The following ARID5B variants were observed in gnomAD, a reference collection of about 807,000 sequenced individuals.
The protein encoded by ARID5B is AT-rich interaction domain 5B.
A neutral mutation model predicts 97.2 loss-of-function variants in ARID5B; 13 were observed. The observed-to-expected ratio is 0.13, with a 90% CI of 0.09 to 0.21. The LOEUF is 0.21. Among genes scored for constraint, ARID5B ranks in the 10% least tolerant of loss-of-function variants. The probability of loss-of-function intolerance (pLI) is 1.00; values close to 1 mark genes in which losing one functional copy is unlikely to be tolerated. For missense variants in ARID5B, 1,210 were observed against 1,465.3 expected, an observed-to-expected ratio of 0.83 and a Z score of 2.84; for synonymous variants, 556 against 570.3, an observed-to-expected ratio of 0.97 and a Z score of 0.36.
intron 4 of ARID5B, among the ~76,000 whole-genome samples, chr10:62,033,930 C>G (rs1330969678): frequency 6.6e-6 from 1 of 152,158 alleles, no homozygotes; most frequent in Non-Finnish European, 1.5e-5. Flanking sequence ...TCTCAAAGCC[C>G]GTGCCCTCTC....
chr10:62,096,754 G>A lies in ARID5B; in HGVS notation c.*3724G>A, dbSNP rs1297156142. 4.3e-6 allele frequency: 1 copy of A among 233,408 alleles called. No individual in the cohort carries two copies. The highest frequency in any genetic ancestry group is 6.0e-5 in the East Asian group (1 of 16,558). The allele number at this position is 233,408 out of a possible 1,614,324, so 14.5% of individuals were successfully genotyped here. Reference sequence around the variant, plus strand: ...AGGTTATTGAGTAACCTTTGCATTAGTTTAAACACTACCAGAAGAATGCTG... The same window carrying A: ...AGGTTATTGAGTAACCTTTGCATTAATTTAAACACTACCAGAAGAATGCTG... On this transcript the variant is annotated 3_prime_UTR_variant, in exon 10 of 10. Coordinates refer to ENST00000279873, the MANE Select transcript of ARID5B (RefSeq NM_032199.3).
chr10:61,954,179 G>A (rs1462410535), intron 3 of ARID5B, among the ~76,000 whole-genome samples: 1 of 151,990 alleles, frequency 6.6e-6, no homozygotes, highest in African/African-American at 2.4e-5. Context: ...CCAACATGGA[G>A]AAACCCCGTA....
chr10:62,091,545 G>A lies in ARID5B; in HGVS notation c.2082G>A (p.Lys694=). 2 of 1,613,446 alleles carry A rather than the reference G, an allele frequency of 1.2e-6. No homozygotes were observed. The highest frequency in any genetic ancestry group is 1.7e-6 in the Non-Finnish European group (2 of 1,179,800). The stretch of plus-strand genomic sequence containing the variant: ...TCATGTCCCCACTGGCCAAGAAAAA[G>A]CTTTTGTCCCAAGTGAGTGGGGCCA... The part of the protein sequence containing the change: ...PGIMSPLAKK[K]LLSQVSGASL... Residue 694 remains lysine, a synonymous_variant, in exon 10 of 10, where the codon AAG becomes AAA. Transcript: ENST00000279873.
At chr10:61,985,383 C>T (rs560636563) in intron 3 of ARID5B, among the ~76,000 whole-genome samples, 21 of 152,112 alleles carry the variant, frequency 1.4e-4, no homozygotes, top group South Asian at 8.3e-4. Flanking sequence ...CCTCTTGCCA[C>T]CTGCTACTTC....
intron 3 of ARID5B, among the ~76,000 whole-genome samples, chr10:61,979,778 C>T (rs1201229148): frequency 6.6e-6 from 1 of 152,174 alleles, no homozygotes; most frequent in Non-Finnish European, 1.5e-5. Flanking sequence ...GAAGAAAACA[C>T]GATGACCTCT....
rs1315985255 is a variant in ARID5B at position 62,000,442 on chromosome 10, C to T, written c.733+121C>T. On this transcript the variant is annotated intron_variant, in intron 4 of 9. Coordinates refer to ENST00000279873, the MANE Select transcript of ARID5B (RefSeq NM_032199.3). This position sits in a 1 kb window ranked among gnomAD's most constrained non-coding sequence, Gnocchi z 4.4. ...CTTTCACAAGCCCCATGTGCTGCCC[C>T]ACCCCTCCCATCCCCCAAATTATTG... The T allele has an allele frequency of 1.8e-5, 16 of 877,732 alleles. No individual in the cohort carries two copies. Among genetic ancestry groups the T allele is most frequent in the Non-Finnish European group, 2.6e-5 (15 of 583,602 alleles). 54.4% of individuals were successfully genotyped at this position (877,732 alleles called of 1,614,324 possible). A position where few individuals can be genotyped will look rare whatever the true frequency, so the allele number is the denominator to read the frequency against.
At chr10:61,992,363 A>G (rs935946636) in intron 3 of ARID5B, among the ~76,000 whole-genome samples, 2 of 152,048 alleles carry the variant, frequency 1.3e-5, no homozygotes, top group Admixed American at 1.3e-4. Flanking sequence ...TTCATTTGTT[A>G]CTCAGAGTGG....
chr10:62,031,031 C>G (rs938026964), intron 4 of ARID5B, among the ~76,000 whole-genome samples: 1 of 152,034 alleles, frequency 6.6e-6, no homozygotes, highest in Admixed American at 6.6e-5. Flanking sequence ...GTCAGGAGAT[C>G]GAGACCATCC....
Position 62,063,824 on chromosome 10 carries a change from G to T in ARID5B, c.1101+4529G>T, listed in dbSNP as rs1038235439. Among the ~76,000 whole-genome samples the T allele has an allele frequency of 2.0e-5, 3 of 152,316 alleles. No homozygotes were observed. In the South Asian group the frequency reaches 6.2e-4, roughly 32 times the overall value. On this transcript the variant is annotated intron_variant, in intron 7 of 9. Transcript: ENST00000279873. ...AAATCTTTGCTGATGAACTAAAAAGGCTTTCACTTCAGTGTCTGGTGAAGC... is the reference window on the plus strand; with the variant it reads ...AAATCTTTGCTGATGAACTAAAAAGTCTTTCACTTCAGTGTCTGGTGAAGC...
At chr10:62,026,121 G>C (rs894176157) in intron 4 of ARID5B, among the ~76,000 whole-genome samples, 1 of 152,228 alleles carries the variant, frequency 6.6e-6, no homozygotes, top group Non-Finnish European at 1.5e-5. Context: ...TTTTCCATGA[G>C]TGGAGTTAGA....
At chr10:61,971,089 A>C (rs2132833817) in intron 3 of ARID5B, among the ~76,000 whole-genome samples, 1 of 152,262 alleles carries the variant, frequency 6.6e-6, no homozygotes, top group African/African-American at 2.4e-5. Flanking sequence ...TGTTAAGTGT[A>C]TTTGGCATCC....
chr10:61,976,711 C>G (rs1222172662), intron 3 of ARID5B, among the ~76,000 whole-genome samples: 1 of 152,098 alleles, frequency 6.6e-6, no homozygotes, highest in Middle Eastern at 3.2e-3. Context: ...GCATCAACAC[C>G]CAATAGACAT....
rs1053145040 is a variant in ARID5B, at chr10:61,936,573, T to C, written c.277-3610T>C. Among the ~76,000 whole-genome samples, 11 of 152,316 alleles carry C rather than the reference T, an allele frequency of 7.2e-5. 1 individual carries two copies. Among genetic ancestry groups the C allele is most frequent in the Admixed American group, 2.6e-4 (4 of 15,302 alleles). On this transcript the variant is annotated intron_variant, in intron 2 of 9. Transcript: ENST00000279873. ...GCAGAGGTTGCAGGAGCTGAGATCG[T>C]GCCACTGCACTTCAGCCTGGGCTAC...
chr10:62,085,959 T>C, intron 9 of ARID5B, 59 bp downstream of exon 9: 1 of 1,538,472 alleles, frequency 6.5e-7, no homozygotes, highest in South Asian at 1.2e-5. Flanking sequence ...TCGAGGTCCT[T>C]CTGGAGCCCT....
intron 3 of ARID5B, among the ~76,000 whole-genome samples, chr10:61,972,867 A>G (rs868596081): frequency 6.6e-6 from 1 of 152,244 alleles, no homozygotes; most frequent in African/African-American, 2.4e-5. Context: ...GATCTTGTGT[A>G]TATTGAAAAT....
intron 3 of ARID5B, among the ~76,000 whole-genome samples, chr10:61,951,512 T>C (rs1051174476): frequency 6.6e-6 from 1 of 152,244 alleles, no homozygotes; most frequent in African/African-American, 2.4e-5. Context: ...GCAAACTTCA[T>C]GCCTACGGGA....
At chr10:61,976,866 T>C (rs1336040865) in intron 3 of ARID5B, among the ~76,000 whole-genome samples, 1 of 152,124 alleles carries the variant, frequency 6.6e-6, no homozygotes, top group Non-Finnish European at 1.5e-5. Context: ...TTCTTTTTTT[T>C]TTTTTTATTA....
At chr10:62,028,309 C>G (rs1306289504) in intron 4 of ARID5B, among the ~76,000 whole-genome samples, 1 of 152,148 alleles carries the variant, frequency 6.6e-6, no homozygotes, top group Non-Finnish European at 1.5e-5. Context: ...TACGCAAGTA[C>G]AAAAATACTA....
intron 3 of ARID5B, among the ~76,000 whole-genome samples, chr10:61,983,864 G>GTTT (rs1564619807): frequency 1.4e-4 from 6 of 41,918 alleles, no homozygotes; most frequent in Non-Finnish European, 2.6e-4. Context: ...ACCCCCTTTT[G>GTTT]TTCTTTTTTT....
Sources: gnomAD v4.1 joint callset for allele counts (sites outside exome capture counted in the v4.1 genomes callset) on GRCh38, gnomAD v4.1.1 for gene constraint, Gnocchi (gnomAD v3.1) non-coding constraint, MANE v1.5 for transcripts, NCBI Gene and HGNC (gene_info 2026-07-23, HGNC 2026-07-21) for gene names.